The following LYN variants were observed in gnomAD, a reference collection of about 807,000 sequenced individuals.
LYN encodes LYN proto-oncogene, Src family tyrosine kinase.
A neutral mutation model predicts 65.0 loss-of-function variants in LYN; 12 were observed. The ratio of observed to expected loss-of-function variants is 0.18; its 90% confidence interval spans 0.12 to 0.30. LYN has a LOEUF of 0.30. Among genes scored for constraint, LYN ranks in the 10% least tolerant of loss-of-function variants. The pLI is 1.00. For missense variants in LYN, 380 were observed against 623.2 expected, an observed-to-expected ratio of 0.61 and a Z score of 4.16; for synonymous variants, 222 against 221.2, an observed-to-expected ratio of 1.00 and a Z score of -0.03.
At position 56,010,182 on chromosome 8, in the gene LYN, T is replaced by C; in HGVS notation, c.*72T>C. The C allele has an allele frequency of 6.8e-7, 1 of 1,481,116 alleles. No individual in the cohort carries two copies. Among genetic ancestry groups the C allele is most frequent in the South Asian group, 1.2e-5 (1 of 86,368 alleles). 91.7% of individuals were successfully genotyped at this position (1,481,116 alleles called of 1,614,324 possible). On this transcript the variant is annotated 3_prime_UTR_variant, in exon 13 of 13. Transcript: ENST00000519728. The stretch of plus-strand genomic sequence containing the variant: ...GAGAGGAAAAGTAACCATCACTGGT[T>C]GCACTTATGATTTCATGTGCGGGGA...
intron 10 of LYN, among the ~76,000 whole-genome samples, chr8:55,986,725 A>G (rs1398408706): frequency 6.6e-6 from 1 of 152,058 alleles, no homozygotes; most frequent in Non-Finnish European, 1.5e-5. Context: ...ACTGTTTATT[A>G]TGATTATTAT....
intron 1 of LYN, among the ~76,000 whole-genome samples, chr8:55,923,773 C>T (rs1035082495): frequency 6.6e-6 from 1 of 152,026 alleles, no homozygotes; most frequent in Admixed American, 6.5e-5. Context: ...CTCCTGACCT[C>T]AAGTGATTTG....
At chr8:55,998,161 G>A (rs919223889) in intron 10 of LYN, among the ~76,000 whole-genome samples, 185 bp from the exon 11 acceptor site, 1 of 151,898 alleles carries the variant, frequency 6.6e-6, no homozygotes, top group African/African-American at 2.4e-5. Context: ...TTGGCAGAGG[G>A]TGGTCAGTTA....
rs749469706 is a variant in LYN, at chr8:55,969,799, A to G, written c.1050+6A>G. ...TCATTGACTTTTCTGCTCAGGTAAC[A>G]TATTCAAAAAGCCCCGTGTGCACGT... On this transcript the variant is annotated splice_donor_region_variant and intron_variant, in intron 10 of 12. Transcript: ENST00000519728. 8 of 1,613,600 alleles carry G rather than the reference A, an allele frequency of 5.0e-6. No individual in the cohort carries two copies. The East Asian group carries it at 1.3e-4, about 27-fold the overall frequency.
chr8:55,894,536 ATTT>A (rs34130107), intron 1 of LYN, among the ~76,000 whole-genome samples: 15 of 142,968 alleles, frequency 1.0e-4, no homozygotes, highest in South Asian at 2.2e-4. Flanking sequence ...CACCTGGCTA[ATTT>A]TTTTTTTTTT....
In LYN at chr8:56,010,561, GCTTA is replaced by G. The variant is rs1808785386; in HGVS notation, c.*455_*458del. The G allele has an allele frequency of 4.4e-6, 1 of 229,016 alleles. No individual in the cohort carries two copies. The highest frequency in any genetic ancestry group is 2.2e-5 in the African/African-American group (1 of 44,690). 14.2% of individuals were successfully genotyped at this position (229,016 alleles called of 1,614,324 possible). ...TAGCATGACATTTCTTTGTGCTTTGGCTTACTTGTTTAAAAAAAAAAAAAAACTA... is the reference window on the plus strand; with the variant it reads ...TAGCATGACATTTCTTTGTGCTTTGGCTTGTTTAAAAAAAAAAAAAAACTA... On this transcript the variant is annotated 3_prime_UTR_variant, in exon 13 of 13. Transcript: ENST00000519728.
intron 10 of LYN, among the ~76,000 whole-genome samples, chr8:55,971,858 GA>G (rs1231475957): frequency 1.3e-5 from 2 of 152,148 alleles, no homozygotes; most frequent in Non-Finnish European, 1.5e-5. Flanking sequence ...TGAATAGGGG[GA>G]GAAGCTACTT....
At chr8:55,882,259 C>T (rs551253106) in intron 1 of LYN, among the ~76,000 whole-genome samples, 1 of 152,228 alleles carries the variant, frequency 6.6e-6, no homozygotes, top group African/African-American at 2.4e-5. Flanking sequence ...AAAGGTAGGT[C>T]GAAACTTTGT....
intron 1 of LYN, among the ~76,000 whole-genome samples, chr8:55,883,025 A>G (rs1215636865): frequency 6.6e-6 from 1 of 152,226 alleles, no homozygotes; most frequent in Non-Finnish European, 1.5e-5. Context: ...ATTATAGATT[A>G]GCCTAACCTA....
chr8:55,904,854 G>A (rs565655833), intron 1 of LYN, among the ~76,000 whole-genome samples: 19 of 152,282 alleles, frequency 1.2e-4, no homozygotes, highest in African/African-American at 3.4e-4. Context: ...ATTAGACTGC[G>A]CATTTTACCC....
At chr8:55,930,598 T>C (rs376913292) in intron 1 of LYN, among the ~76,000 whole-genome samples, 14 of 152,318 alleles carry the variant, frequency 9.2e-5, no homozygotes, top group African/African-American at 3.4e-4. Flanking sequence ...TCCCTTTTAT[T>C]GTTAAGAGAA....
chr8:56,010,400 T>C lies in LYN; in HGVS notation c.*290T>C, dbSNP rs1808781697. On this transcript the variant is annotated 3_prime_UTR_variant, in exon 13 of 13. Transcript: ENST00000519728. The stretch of plus-strand genomic sequence containing the variant: ...CCGTTTGAGAAGAAAACATCTATTC[T>C]CTCCAAAAATGCACCCAACTAGCTC... The C allele has an allele frequency of 2.5e-6, 1 of 405,746 alleles. No homozygotes were observed. 25.1% of individuals were successfully genotyped at this position (405,746 alleles called of 1,614,324 possible). A position where few individuals can be genotyped will look rare whatever the true frequency, so the allele number is the denominator to read the frequency against.
intron 1 of LYN, among the ~76,000 whole-genome samples, chr8:55,905,146 C>T (rs1585580688): frequency 6.6e-6 from 1 of 152,166 alleles, no homozygotes; most frequent in Non-Finnish European, 1.5e-5. Flanking sequence ...TGTGGTGGCT[C>T]GTGCCTGTCA....
At chr8:55,922,799 A>C (rs532466821) in intron 1 of LYN, among the ~76,000 whole-genome samples, 1 of 152,270 alleles carries the variant, frequency 6.6e-6, no homozygotes, top group African/African-American at 2.4e-5. Flanking sequence ...ATGAAGTAAC[A>C]TGAAAATAGA....
At chr8:55,951,264 G>GA in intron 6 of LYN, among the ~76,000 whole-genome samples, 1 of 151,994 alleles carries the variant, frequency 6.6e-6, no homozygotes, top group African/African-American at 2.4e-5. Context: ...AAAGAGAAAA[G>GA]AAAAGAAAAG....
chr8:55,968,452 T>C (rs1160978973), intron 9 of LYN, among the ~76,000 whole-genome samples: 1 of 152,172 alleles, frequency 6.6e-6, no homozygotes, highest in Admixed American at 6.5e-5. Flanking sequence ...AGACAGAGTT[T>C]CACCATGTTG....
At chr8:55,941,441 T>C (rs188697458) in intron 1 of LYN, among the ~76,000 whole-genome samples, 2 of 152,328 alleles carry the variant, frequency 1.3e-5, no homozygotes, top group Admixed American at 1.3e-4. Context: ...CTGGAATCTC[T>C]TTGCTGACTT....
intron 1 of LYN, among the ~76,000 whole-genome samples, chr8:55,899,420 A>G (rs1288648003): frequency 6.6e-6 from 1 of 152,222 alleles, no homozygotes; most frequent in Non-Finnish European, 1.5e-5. Flanking sequence ...TGTGGAACAT[A>G]ATGTCCTTGA....
chr8:55,903,149 C>T (rs1005301486), intron 1 of LYN, among the ~76,000 whole-genome samples: 3 of 152,152 alleles, frequency 2.0e-5, no homozygotes, highest in Admixed American at 1.3e-4. Flanking sequence ...GCCCGGCCTA[C>T]GCCCAGCTAA....
Sources: gnomAD v4.1 joint callset for allele counts (sites outside exome capture counted in the v4.1 genomes callset) on GRCh38, gnomAD v4.1.1 for gene constraint, MANE v1.5 for transcripts, NCBI Gene and HGNC (gene_info 2026-07-23, HGNC 2026-07-21) for gene names.